NBPF8: variants seen among roughly 807,000 people sequenced by gnomAD.
NBPF8 encodes the protein NBPF family member NBPF8.
chr1:120,460,853 T>C (rs1435528519), intron 18 of NBPF8, among the ~76,000 whole-genome samples: 3 of 151,948 alleles, frequency 2.0e-5, no homozygotes, highest in Non-Finnish European at 4.4e-5. Flanking sequence ...TCAAAAGCTG[T>C]ATTCTCATGG....
At chr1:120,419,626 T>A (rs200072377), upstream of NBPF8, among the ~76,000 whole-genome samples, 25,887 of 150,866 alleles carry the variant, frequency 0.17, 2,865 homozygotes, top group East Asian at 0.55. Flanking sequence ...GCTGGGCCAA[T>A]TTTTCATTTT....
chr1:120,452,389 C>A, intron 13 of NBPF8, 58 bp downstream of exon 11: 1 of 879,840 alleles, frequency 1.1e-6, no homozygotes, highest in South Asian at 1.4e-5. Context: ...AGACTCCAGA[C>A]CTCCATACTT....
chr1:120,424,592 C>A (rs1468213416), intron 1 of NBPF8, among the ~76,000 whole-genome samples: 1 of 152,052 alleles, frequency 6.6e-6, no homozygotes, highest in Non-Finnish European at 1.5e-5. Context: ...GGATTACAGG[C>A]GCCTGCCACC....
At chr1:120,465,414 C>A in intron 24 of NBPF8, 43 bp downstream of exon 22, 8 of 549,772 alleles carry the variant, frequency 1.5e-5, no homozygotes, top group South Asian at 1.3e-4. Context: ...GTGTTAACAC[C>A]TGGAGGCAAC....
chr1:120,455,191 G>A (rs1362632797), intron 15 of NBPF8, among the ~76,000 whole-genome samples: 5 of 151,912 alleles, frequency 3.3e-5, no homozygotes, highest in East Asian at 3.9e-4. Context: ...ATGGCATTAT[G>A]GTCTACATGT....
At chr1:120,428,280 TCTGGACACAGTAGACAAAGGTTTTTCAA>T (rs755806187) in intron 3 of NBPF8, among the ~76,000 whole-genome samples, 1,782 of 152,290 alleles carry the variant, frequency 0.012, 25 homozygotes, top group Non-Finnish European at 0.015. Flanking sequence ...ACCAGGAATG[TCTGGACACAGTAGACAAAGGTTTTTCAA>T]CTGGACGCCT....
chr1:120,460,237 A>G, intron 17 of NBPF8, among the ~76,000 whole-genome samples: 1 of 152,282 alleles, frequency 6.6e-6, no homozygotes, highest in Non-Finnish European at 1.5e-5. Flanking sequence ...TGATGAGAGA[A>G]AGCTTAATAT....
chr1:120,430,905 A>G (rs1331124842), intron 3 of NBPF8, among the ~76,000 whole-genome samples: 1 of 151,824 alleles, frequency 6.6e-6, no homozygotes, highest in East Asian at 1.9e-4. Flanking sequence ...TTATGTTTAA[A>G]AAGTCAGTTC....
chr1:120,457,688 C>G (rs1409961736), intron 16 of NBPF8, among the ~76,000 whole-genome samples: 8 of 65,722 alleles, frequency 1.2e-4, no homozygotes, highest in African/African-American at 3.7e-4. Flanking sequence ...ATGTAACTAA[C>G]CTGCACGTTG....
chr1:120,436,798 C>G, intron 1 of NBPF8, 101 bp downstream of exon 4: 1 of 651,768 alleles, frequency 1.5e-6, no homozygotes, highest in South Asian at 1.7e-5. Flanking sequence ...TTCATCCTTC[C>G]TGTACTTCTA....
At chr1:120,434,548 G>A (rs1320883040), upstream of NBPF8, among the ~76,000 whole-genome samples, 9 of 150,174 alleles carry the variant, frequency 6.0e-5, no homozygotes, top group East Asian at 1.4e-3. Flanking sequence ...GATGTTCCCC[G>A]TCCTGTGTCC....
At chr1:120,427,984 A>T (rs1210676542) in intron 3 of NBPF8, among the ~76,000 whole-genome samples, 137 bp downstream of exon 3, 3 of 152,336 alleles carry the variant, frequency 2.0e-5, no homozygotes, top group African/African-American at 7.2e-5. Flanking sequence ...TTAAATGATG[A>T]TGTCCCTTGT....
chr1:120,460,433 T>C (rs1448655554), intron 17 of NBPF8, 140 bp from the exon 16 acceptor site: 16 of 761,908 alleles, frequency 2.1e-5, no homozygotes, highest in Non-Finnish European at 3.6e-5. Flanking sequence ...ACCTCAGGCC[T>C]ACTGGAATAT....
At chr1:120,417,742 G>A (rs1401311857), upstream of NBPF8, among the ~76,000 whole-genome samples, 3 of 130,602 alleles carry the variant, frequency 2.3e-5, no homozygotes, top group South Asian at 7.4e-4. Flanking sequence ...TGCGACTATA[G>A]GAGTGTGCCA....
chr1:120,460,015 G>A (rs1409413746), intron 17 of NBPF8, among the ~76,000 whole-genome samples: 1 of 152,020 alleles, frequency 6.6e-6, no homozygotes, highest in Non-Finnish European at 1.5e-5. Flanking sequence ...CCCATTTTCT[G>A]TGTCTTCTAA....
Position 120,456,815 on chromosome 1 carries a change from GC to G in NBPF8, n.2620+1356del, listed in dbSNP as rs1349291510. Among the ~76,000 whole-genome samples the G allele has an allele frequency of 2.6e-5, 4 of 151,872 alleles. No individual in the cohort carries two copies. In the South Asian group the frequency reaches 8.3e-4, roughly 32 times the overall value. ...ATTTGATCCTGTCGTTATGATGTTA[GC>G]TGGTTATTTCGCCCGTTAGTTGATG... On this transcript the variant is annotated intron_variant and non_coding_transcript_variant, in intron 16 of 24. Coordinates refer to ENST00000583271, the Ensembl canonical transcript of NBPF8.
At chr1:120,420,802 G>T (rs1660553480) in intron 1 of NBPF8, among the ~76,000 whole-genome samples, 1 of 149,360 alleles carries the variant, frequency 6.7e-6, no homozygotes, top group South Asian at 2.1e-4. Flanking sequence ...TAGGCACCAT[G>T]CCCTGCTCTG....
chr1:120,424,579 C>T (rs1172120551), intron 1 of NBPF8, among the ~76,000 whole-genome samples: 1 of 152,112 alleles, frequency 6.6e-6, no homozygotes, highest in African/African-American at 2.4e-5. Context: ...TCCTGAATAG[C>T]TGGGATTACA....
chr1:120,459,772 A>C (rs1464155799), intron 17 of NBPF8, among the ~76,000 whole-genome samples: 1 of 152,208 alleles, frequency 6.6e-6, no homozygotes, highest in African/African-American at 2.4e-5. Flanking sequence ...ACTGACTGTC[A>C]CGATATTGAA....
Sources: gnomAD v4.1 joint callset for allele counts (sites outside exome capture counted in the v4.1 genomes callset) on GRCh38, gnomAD v4.1.1 for gene constraint, MANE v1.5 for transcripts, NCBI Gene and HGNC (gene_info 2026-07-23, HGNC 2026-07-21) for gene names.